Variants in AFMID observed in about 807,000 individuals in gnomAD.
AFMID encodes the protein arylformamidase.
Under a neutral mutation model 47.5 loss-of-function variants are expected in AFMID, and 39 were observed. The ratio of observed to expected loss-of-function variants is 0.82; its 90% confidence interval spans 0.64 to 1.07. AFMID has a LOEUF of 1.07. Ranked by LOEUF, AFMID falls within the 50% of genes least tolerant of loss-of-function variation. The pLI is 0.00. For missense variants in AFMID, 375 were observed against 387.5 expected (o/e 0.97, Z 0.27); for synonymous variants, 130 against 153.2 (o/e 0.85, Z 1.12).
chr17:78,205,301 C>A, intron 7 of AFMID, 111 bp downstream of exon 7: 1 of 1,416,038 alleles, frequency 7.1e-7, no homozygotes, highest in African/African-American at 1.4e-5. Flanking sequence ...GACCGCAGGG[C>A]TTCGAGCCCT....
intron 2 of AFMID, among the ~76,000 whole-genome samples, chr17:78,196,181 A>T (rs2076108773): frequency 6.6e-6 from 1 of 152,126 alleles, no homozygotes; most frequent in Admixed American, 6.6e-5. Context: ...CCTGGCCAAC[A>T]TAGTGAAACC....
chr17:78,197,589 C>G (rs150864068), intron 2 of AFMID: 3 of 199,678 alleles, frequency 1.5e-5, no homozygotes, highest in African/African-American at 7.1e-5. Context: ...TATAGCCGCC[C>G]AGGCTGACTC....
chr17:78,198,058 G>T (rs1286776591), intron 2 of AFMID, among the ~76,000 whole-genome samples: 2 of 152,010 alleles, frequency 1.3e-5, no homozygotes, highest in African/African-American at 4.8e-5. Context: ...GCGAAACCCT[G>T]TCCCTACAAA....
chr17:78,202,802 T>C, intron 4 of AFMID, 51 bp downstream of exon 4: 1 of 1,547,696 alleles, frequency 6.5e-7, no homozygotes, highest in African/African-American at 1.4e-5. Context: ...CCACTTTCCC[T>C]GGGGGACTCC....
chr17:78,189,026 C>T (rs2075886779), intron 1 of AFMID, among the ~76,000 whole-genome samples: 2 of 151,906 alleles, frequency 1.3e-5, no homozygotes, highest in Non-Finnish European at 2.9e-5. Context: ...GCCACTGTGC[C>T]GGGCCTGGAT....
intron 1 of AFMID, among the ~76,000 whole-genome samples, chr17:78,188,586 G>A (rs576269674): frequency 1.4e-5 from 2 of 146,770 alleles, no homozygotes; most frequent in South Asian, 4.3e-4. Context: ...GGTACTACAT[G>A]CCTGGCTAAT....
intron 2 of AFMID, among the ~76,000 whole-genome samples, chr17:78,195,180 G>A (rs1218823505): frequency 3.4e-5 from 5 of 148,840 alleles, no homozygotes; most frequent in African/African-American, 9.9e-5. Context: ...GTTTAAAGGG[G>A]ACAGTTTCTT....
At chr17:78,191,750 C>T (rs918713334) in intron 2 of AFMID, among the ~76,000 whole-genome samples, 14 of 150,260 alleles carry the variant, frequency 9.3e-5, no homozygotes, top group African/African-American at 1.2e-4. Context: ...AGTGCAGTGG[C>T]GCGATCTCAG....
chr17:78,206,933 A>AGT lies in AFMID; in HGVS notation c.909_910dup (p.Ter304CysfsTer99), dbSNP rs1226808186. On this transcript the variant is annotated frameshift_variant, in exon 11 of 11. Transcript: ENST00000409257. LOFTEE classifies it high-confidence loss of function. Reference sequence around the variant, plus strand: ...CAGATTATCTTGAAAACAATCTTCCAGTAGTTCTGACGATACTTGGAGCCT... The same window carrying AGT: ...CAGATTATCTTGAAAACAATCTTCCAGTGTAGTTCTGACGATACTTGGAGCCT... 1 of 1,613,922 alleles carries AGT rather than the reference A, an allele frequency of 6.2e-7. No homozygotes were observed. Among genetic ancestry groups the AGT allele is most frequent in the Non-Finnish European group, 8.5e-7 (1 of 1,180,002 alleles).
intron 4 of AFMID, 117 bp downstream of exon 4, chr17:78,202,868 G>A: frequency 8.0e-7 from 1 of 1,243,402 alleles, no homozygotes; most frequent in Non-Finnish European, 1.1e-6. Flanking sequence ...TTGCAGGGCT[G>A]TGTCTCACAG....
intron 4 of AFMID, among the ~76,000 whole-genome samples, chr17:78,204,313 G>A (rs1351280486): frequency 6.6e-6 from 1 of 151,944 alleles, no homozygotes; most frequent in Admixed American, 6.6e-5. Context: ...GCATAGTGGT[G>A]CACACCTATA....
In AFMID at chr17:78,187,420, A is replaced by C. The variant is rs778897924; in HGVS notation, c.50A>C (p.Lys17Thr). ...VGFPSKVPWK[K>T]MSAEELENQY... is the part of the protein sequence containing the mutation. ...TTCCCAAGCAAGGTTCCTTGGAAGA[A>C]GATGTCTGCAGAGGTAGGTGGATTG... The change falls in exon 1 of 11, where the codon AAG (lysine) becomes ACG (threonine). Residue 17 changes from lysine (K) to threonine (T), a missense_variant. Transcript: ENST00000409257. 38 of 1,613,860 alleles carry C rather than the reference A, an allele frequency of 2.4e-5. No individual in the cohort carries two copies.
In AFMID at chr17:78,207,336, T is replaced by A. The variant is rs1370227179; in HGVS notation, c.*399T>A. ...TCTTACTCTGTCACCCAGGCTGGAG[T>A]GCAGTGGCGTGATCTTGGCTCACTG... On this transcript the variant is annotated 3_prime_UTR_variant, in exon 11 of 11. Coordinates refer to ENST00000409257, the MANE Select transcript of AFMID (RefSeq NM_001010982.5). The A allele has an allele frequency of 1.2e-5, 2 of 172,810 alleles. No homozygotes were observed. Among genetic ancestry groups the A allele is most frequent in the South Asian group, 8.6e-5 (1 of 11,664 alleles). The allele number at this position is 172,810 out of a possible 1,614,324, so 10.7% of individuals were successfully genotyped here.
chr17:78,189,988 T>G (rs1264969174), intron 1 of AFMID, among the ~76,000 whole-genome samples: 1 of 151,300 alleles, frequency 6.6e-6, no homozygotes, highest in Non-Finnish European at 1.5e-5. Context: ...CGCGTCACCA[T>G]GCCTGGTTAA....
In AFMID at chr17:78,205,343, C is replaced by T. The variant is rs1435017703; in HGVS notation, c.566-97C>T. 9 of 1,476,746 alleles carry T rather than the reference C, an allele frequency of 6.1e-6. No individual in the cohort carries two copies. The East Asian group carries it at 2.0e-4, about 33-fold the overall frequency. The allele number at this position is 1,476,746 out of a possible 1,614,324, so 91.5% of individuals were successfully genotyped here. A position where few individuals can be genotyped will look rare whatever the true frequency, so the allele number is the denominator to read the frequency against. On this transcript the variant is annotated intron_variant, in intron 7 of 10. Coordinates refer to ENST00000409257, the MANE Select transcript of AFMID (RefSeq NM_001010982.5). ...AAGGCCTTCTCTGCCTCCTCTGTGC[C>T]CCTTCCCCTGGTCCTGCCCCTCTGG...
intron 2 of AFMID, among the ~76,000 whole-genome samples, chr17:78,197,852 C>T (rs564124551): frequency 2.2e-4 from 34 of 152,146 alleles, no homozygotes; most frequent in Middle Eastern, 3.4e-3. Flanking sequence ...GGGCCGGTGG[C>T]GCATGCCTGT....
intron 2 of AFMID, among the ~76,000 whole-genome samples, chr17:78,195,825 G>A (rs2076098108): frequency 6.6e-6 from 1 of 151,898 alleles, no homozygotes; most frequent in South Asian, 2.1e-4. Flanking sequence ...ACCATGCACA[G>A]CATTATAAAT....
At chr17:78,199,973 G>C (rs961915164) in intron 2 of AFMID, among the ~76,000 whole-genome samples, 5 of 151,076 alleles carry the variant, frequency 3.3e-5, no homozygotes, top group African/African-American at 1.2e-4. Flanking sequence ...TGACTAGCTA[G>C]AATTCTGAAA....
chr17:78,191,670 CAA>C (rs113967464), intron 2 of AFMID, among the ~76,000 whole-genome samples: 171 of 128,756 alleles, frequency 1.3e-3, no homozygotes, highest in Middle Eastern at 4.1e-3. Context: ...GACCCTGTCT[CAA>C]AAAAAAAAAA....
Sources: gnomAD v4.1 joint callset for allele counts (sites outside exome capture counted in the v4.1 genomes callset) on GRCh38, gnomAD v4.1.1 for gene constraint, MANE v1.5 for transcripts, NCBI Gene and HGNC (gene_info 2026-07-23, HGNC 2026-07-21) for gene names.